Variants in VSTM1 observed in about 807,000 individuals in gnomAD.
VSTM1 encodes the protein V-set and transmembrane domain-containing protein 1.
VSTM1 carries 27 observed loss-of-function variants against 33.1 expected under a neutral mutation model. The observed-to-expected ratio is 0.82, with a 90% CI of 0.60 to 1.12. VSTM1 has a LOEUF of 1.12. Ranked by LOEUF, VSTM1 falls within the 50% of genes most tolerant of loss-of-function variation. The pLI, the probability that VSTM1 is intolerant of heterozygous loss-of-function variation, is 0.00. For missense variants in VSTM1, 304 were observed against 288.9 expected (o/e 1.05, Z -0.38); for synonymous variants, 115 against 110.3 (o/e 1.04, Z -0.27).
intron 4 of VSTM1, among the ~76,000 whole-genome samples, chr19:54,044,714 T>C (rs184498375): frequency 6.6e-6 from 1 of 152,278 alleles, no homozygotes; most frequent in East Asian, 1.9e-4. Context: ...TACAATTATT[T>C]CCCTCCCACT....
chr19:54,051,318 CAAATAAAT>C (rs140900569), intron 4 of VSTM1, 84 bp downstream of exon 4: 3 of 1,121,052 alleles, frequency 2.7e-6, no homozygotes, highest in Non-Finnish European at 3.9e-6. Context: ...AACAAACAAA[CAAATAAAT>C]AAAGTTCTCC....
intron 4 of VSTM1, among the ~76,000 whole-genome samples, chr19:54,042,816 A>G (rs866567671): frequency 3.3e-4 from 18 of 54,966 alleles, no homozygotes; most frequent in African/African-American, 8.7e-4. Flanking sequence ...GTATATATAT[A>G]TATATATATA....
Position 54,042,190 on chromosome 19 carries a change from G to A in VSTM1, c.494C>T (p.Ser165Leu). 6.2e-7 allele frequency: 1 copy of A among 1,614,002 alleles called. No homozygotes were observed. Among genetic ancestry groups the A allele is most frequent in the Non-Finnish European group, 8.5e-7 (1 of 1,179,982 alleles). Reference sequence around the variant, plus strand: ...CTACCTCTTGGTGGATTCCTCAGATGATGAACCTACAAAAAATGCAGGAGG... The same window carrying A: ...CTACCTCTTGGTGGATTCCTCAGATAATGAACCTACAAAAAATGCAGGAGG... Reference protein sequence around the residue: ...IIYRCSQHSSSSEESTKRTSH... With the variant: ...IIYRCSQHSSLSEESTKRTSH... The change falls in exon 6 of 9, where the codon TCA (serine) becomes TTA (leucine). Residue 165 changes from serine to leucine, a missense_variant. Physicochemically the swap from Ser to Leu is moderately radical, Grantham distance 145 (BLOSUM62 -2). Coordinates refer to ENST00000338372, the MANE Select transcript of VSTM1 (RefSeq NM_198481.4).
chr19:54,048,420 T>C, intron 4 of VSTM1: 1 of 332,920 alleles, frequency 3.0e-6, no homozygotes, highest in Non-Finnish European at 6.3e-6. Context: ...CCGGCAAAGA[T>C]ATTTTATTCT....
chr19:54,049,708 G>A (rs1296386418), intron 4 of VSTM1, among the ~76,000 whole-genome samples: 3 of 152,116 alleles, frequency 2.0e-5, no homozygotes, highest in African/African-American at 7.2e-5. Context: ...TAGGGTAGCA[G>A]ACATTTCCCA....
At chr19:54,042,027 G>C (rs752432844) in intron 6 of VSTM1, 74 bp from the exon 7 acceptor site, 1 of 1,606,912 alleles carries the variant, frequency 6.2e-7, no homozygotes, top group Non-Finnish European at 8.5e-7. Flanking sequence ...ATGGAGGGGA[G>C]AGGAAGGGAG....
At chr19:54,051,935 A>G (rs1174416311) in intron 3 of VSTM1, among the ~76,000 whole-genome samples, 3 of 151,838 alleles carry the variant, frequency 2.0e-5, no homozygotes, top group South Asian at 2.1e-4. Context: ...TAATTTTTGT[A>G]TTTTTAGTAG....
chr19:54,050,150 C>G (rs772442763), intron 4 of VSTM1, among the ~76,000 whole-genome samples: 12 of 151,744 alleles, frequency 7.9e-5, no homozygotes, highest in Non-Finnish European at 1.6e-4. Context: ...AGGCGCCCAC[C>G]ACAATGCCCA....
rs112627316 is a variant in VSTM1 at position 54,044,361 on chromosome 19, C to T, written c.395-1992G>A. Among the ~76,000 whole-genome samples the T allele has an allele frequency of 3.5e-3, 537 of 152,198 alleles. 2 individuals carry two copies. The highest frequency in any genetic ancestry group is 0.02 in the Middle Eastern group (6 of 294). On this transcript the variant is annotated intron_variant, in intron 4 of 8. Coordinates refer to ENST00000338372, the MANE Select transcript of VSTM1 (RefSeq NM_198481.4). The stretch of plus-strand genomic sequence containing the variant: ...ATCACTTGAGGTCTGGAGTTCGAGA[C>T]CAGCCTGGCCAACATGGTGAAACCC...
chr19:54,059,378 G>C (rs951138674), intron 1 of VSTM1, among the ~76,000 whole-genome samples: 2 of 151,258 alleles, frequency 1.3e-5, no homozygotes, highest in Admixed American at 1.3e-4. Flanking sequence ...CTTTTCTGAT[G>C]TATTGAATTG....
At chr19:54,045,564 G>T (rs2070534822) in intron 4 of VSTM1, among the ~76,000 whole-genome samples, 1 of 151,782 alleles carries the variant, frequency 6.6e-6, no homozygotes, top group Admixed American at 6.6e-5. Flanking sequence ...CTATCATCTA[G>T]TTACCAAATC....
At chr19:54,042,247 C>T in intron 5 of VSTM1, 30 bp downstream of exon 5, 2 of 1,613,874 alleles carry the variant, frequency 1.2e-6, no homozygotes, top group Non-Finnish European at 1.7e-6. Context: ...CTTCACTCCC[C>T]CTCTCTCCCT....
chr19:54,050,284 C>G (rs2070777450), intron 4 of VSTM1, among the ~76,000 whole-genome samples: 2 of 152,008 alleles, frequency 1.3e-5, no homozygotes, highest in Admixed American at 1.3e-4. Flanking sequence ...CAGATGTGAG[C>G]CACCTCGCCT....
chr19:54,055,317 A>G lies in VSTM1; in HGVS notation c.355+2989T>C, dbSNP rs1170376611. 1.4e-5 allele frequency among the ~76,000 whole-genome samples: 2 copies of G among 142,124 alleles called. 1 individual carries two copies. The highest frequency in any genetic ancestry group is 3.1e-5 in the Non-Finnish European group (2 of 64,506). The allele number at this position is 142,124 out of a possible 152,430, so 93.2% of individuals were successfully genotyped here. ...ATTTATGTCTGAATAGCAACTGTGA[A>G]GCTCATTGTTTTTGTGACACCGGGG... On this transcript the variant is annotated intron_variant, in intron 3 of 8. Transcript: ENST00000338372.
At chr19:54,048,593 T>C (rs1251340233) in intron 4 of VSTM1, among the ~76,000 whole-genome samples, 1 of 152,186 alleles carries the variant, frequency 6.6e-6, no homozygotes, top group East Asian at 1.9e-4. Flanking sequence ...TATAACATGA[T>C]ACAGCCACAA....
intron 1 of VSTM1, among the ~76,000 whole-genome samples, chr19:54,062,855 C>G (rs1051393017): frequency 1.1e-4 from 17 of 152,268 alleles, no homozygotes; most frequent in East Asian, 3.9e-4. Context: ...CACCGCACCC[C>G]CCGTGCACCA....
intron 1 of VSTM1, 76 bp downstream of exon 1, chr19:54,063,668 T>A (rs1423887227): frequency 1.3e-6 from 2 of 1,574,644 alleles, no homozygotes; most frequent in African/African-American, 2.7e-5. Flanking sequence ...CACACCGCAT[T>A]TCCACCTGGA....
chr19:54,045,813 C>G (rs1200132666), intron 4 of VSTM1, among the ~76,000 whole-genome samples: 1 of 152,064 alleles, frequency 6.6e-6, no homozygotes, highest in Non-Finnish European at 1.5e-5. Context: ...CTAGCTTTAT[C>G]TAGCTACCTA....
intron 1 of VSTM1, among the ~76,000 whole-genome samples, chr19:54,060,756 T>A (rs1387338663): frequency 6.6e-6 from 1 of 152,068 alleles, no homozygotes; most frequent in Non-Finnish European, 1.5e-5. Context: ...CAGGGTGCAG[T>A]CACAGCTCAC....
Sources: gnomAD v4.1 joint callset for allele counts (sites outside exome capture counted in the v4.1 genomes callset) on GRCh38, gnomAD v4.1.1 for gene constraint, MANE v1.5 for transcripts, NCBI Gene and HGNC (gene_info 2026-07-23, HGNC 2026-07-21) for gene names.